TEX22: variants seen among roughly 807,000 people sequenced by gnomAD.
TEX22 encodes the protein testis expressed 22, also known as testis-expressed protein 22.
TEX22 carries 16 observed loss-of-function variants against 11.3 expected under a neutral mutation model. That is an observed-to-expected ratio of 1.42 (90% CI 0.96 to 2.15). The LOEUF is 2.15. Ranked by LOEUF, TEX22 falls within the 30% of genes most tolerant of loss-of-function variation. The pLI is 0.00. For synonymous variants in TEX22, 97 were observed against 92.3 expected (o/e 1.05, Z -0.29); for missense variants, 220 against 208.6 (o/e 1.05, Z -0.34).
At chr14:105,405,496 G>T (rs1413763693) in intron 2 of TEX22, among the ~76,000 whole-genome samples, 1 of 152,208 alleles carries the variant, frequency 6.6e-6, no homozygotes, top group African/African-American at 2.4e-5. Context: ...CAAATTCAGC[G>T]GTAGGGTTGT....
chr14:105,399,711 G>C (rs1555418160), intron 2 of TEX22, among the ~76,000 whole-genome samples: 1 of 142,174 alleles, frequency 7.0e-6, no homozygotes, highest in Non-Finnish European at 1.5e-5. Context: ...AGAACCGTGG[G>C]CCGCTGGGCT....
intron 2 of TEX22, among the ~76,000 whole-genome samples, chr14:105,406,038 A>G (rs1474826581): frequency 6.6e-6 from 1 of 152,216 alleles, no homozygotes; most frequent in African/African-American, 2.4e-5. Context: ...GTAGTGAGAA[A>G]CAGACCTTTC....
Position 105,404,596 on chromosome 14 carries a change from TTGAG to T in TEX22, c.150+5109_150+5112del, listed in dbSNP as rs1258514830. On this transcript the variant is annotated intron_variant, in intron 2 of 3. Transcript: ENST00000451127. ...CAGCGACAAAAACCTCAGAAGCAAT[TTGAG>T]TGGGAAGACAGAACCTTCAAAGCAG... Among the ~76,000 whole-genome samples, 8 of 152,056 alleles carry T rather than the reference TTGAG, an allele frequency of 5.3e-5. No homozygotes were observed. In the East Asian group the frequency reaches 5.8e-4, roughly 11 times the overall value.
rs1159153044 is a variant in TEX22, at chr14:105,411,527, T to TCCCCGCCCCGCCCCGC, written c.279+35_279+50dup. ...CGGGGGGCGGGTCCTCCCCGCCCCGTCCCCGCCCCGCCCCGCCCCTCCGCC... is the reference window on the plus strand; with the variant it reads ...CGGGGGGCGGGTCCTCCCCGCCCCGTCCCCGCCCCGCCCCGCCCCCGCCCCGCCCCGCCCCTCCGCC... On this transcript the variant is annotated intron_variant, in intron 3 of 3. Transcript: ENST00000451127. 9 of 569,436 alleles carry TCCCCGCCCCGCCCCGC rather than the reference T, an allele frequency of 1.6e-5. No individual in the cohort carries two copies. In the African/African-American group the frequency reaches 2.6e-4, roughly 17 times the overall value. The allele number at this position is 569,436 out of a possible 1,614,324, so 35.3% of individuals were successfully genotyped here.
At chr14:105,410,194 C>T (rs1555419193) in intron 2 of TEX22, among the ~76,000 whole-genome samples, 1 of 152,204 alleles carries the variant, frequency 6.6e-6, no homozygotes, top group African/African-American at 2.4e-5. Context: ...TCTCCTGCCT[C>T]AGCCTCTTGA....
At chr14:105,404,812 T>C (rs587646561) in intron 2 of TEX22, among the ~76,000 whole-genome samples, 7 of 152,182 alleles carry the variant, frequency 4.6e-5, no homozygotes, top group Non-Finnish European at 8.8e-5. Flanking sequence ...TCTCAAAGCA[T>C]CATGAAAGTG....
chr14:105,405,139 AAGTT>A (rs1445965705), intron 2 of TEX22, among the ~76,000 whole-genome samples: 22 of 152,124 alleles, frequency 1.4e-4, no homozygotes, highest in African/African-American at 3.1e-4. Context: ...AAATCACAAA[AAGTT>A]AGCCAGGCAT....
At chr14:105,401,895 C>T (rs1566983852) in intron 2 of TEX22, among the ~76,000 whole-genome samples, 1 of 152,128 alleles carries the variant, frequency 6.6e-6, no homozygotes, top group Non-Finnish European at 1.5e-5. Context: ...ACTATGACGT[C>T]AGAAAAATCG....
intron 2 of TEX22, 47 bp downstream of exon 2, chr14:105,399,537 C>G (rs2081612517): frequency 6.8e-7 from 1 of 1,476,960 alleles, no homozygotes; most frequent in Non-Finnish European, 9.0e-7. Flanking sequence ...TGTCCCCAGC[C>G]CGCCTGAGGC....
chr14:105,407,354 C>T (rs2081663658), intron 2 of TEX22, among the ~76,000 whole-genome samples: 1 of 151,924 alleles, frequency 6.6e-6, no homozygotes, highest in African/African-American at 2.4e-5. Flanking sequence ...AGGCATGAGC[C>T]ACCATGCCCG....
chr14:105,406,686 A>G, intron 2 of TEX22, among the ~76,000 whole-genome samples: 1 of 152,150 alleles, frequency 6.6e-6, no homozygotes, highest in East Asian at 1.9e-4. Context: ...CTAAAAAAAA[A>G]AAAAAGGAAC....
chr14:105,409,729 T>C (rs1241559716), intron 2 of TEX22, among the ~76,000 whole-genome samples: 12 of 110,018 alleles, frequency 1.1e-4, no homozygotes, highest in African/African-American at 2.4e-4. Flanking sequence ...CATTCATTCT[T>C]TCTTTCGTTC....
At chr14:105,403,150 T>C (rs1167600762) in intron 2 of TEX22, among the ~76,000 whole-genome samples, 1 of 152,212 alleles carries the variant, frequency 6.6e-6, no homozygotes, top group East Asian at 1.9e-4. Context: ...CGAGGTCTTA[T>C]CTATGTAAAG....
chr14:105,410,726 C>T (rs2081685133), intron 2 of TEX22, among the ~76,000 whole-genome samples: 1 of 152,188 alleles, frequency 6.6e-6, no homozygotes, highest in Non-Finnish European at 1.5e-5. Flanking sequence ...GAACCTCAGG[C>T]TGAGCAGAGT....
At chr14:105,399,279 C>T (rs1022684432) in intron 1 of TEX22, 23 bp from the exon 2 acceptor site, 11 of 1,308,002 alleles carry the variant, frequency 8.4e-6, no homozygotes, top group African/African-American at 3.0e-5. Context: ...CCCCGCCCCA[C>T]CTCCCCCTGC....
intron 2 of TEX22, among the ~76,000 whole-genome samples, chr14:105,405,373 A>G (rs1555418792): frequency 6.6e-6 from 1 of 152,214 alleles, no homozygotes; most frequent in Non-Finnish European, 1.5e-5. Context: ...AGAAGAACAG[A>G]AGGAGATACG....
chr14:105,406,281 G>C (rs782677906), intron 2 of TEX22, among the ~76,000 whole-genome samples: 1 of 152,180 alleles, frequency 6.6e-6, no homozygotes, highest in Non-Finnish European at 1.5e-5. Flanking sequence ...AAACATTTCT[G>C]TGCAATCAAA....
chr14:105,408,319 G>A (rs1595221949), intron 2 of TEX22, among the ~76,000 whole-genome samples: 1 of 150,662 alleles, frequency 6.6e-6, no homozygotes, highest in East Asian at 2.0e-4. Flanking sequence ...TTGGCTCACT[G>A]CAACCTCCGC....
At chr14:105,411,217 C>T (rs2081687976) in intron 2 of TEX22, 151 bp from the exon 3 acceptor site, 1 of 956,980 alleles carries the variant, frequency 1.0e-6, no homozygotes, top group Non-Finnish European at 1.3e-6. Context: ...GGCCCCGCGC[C>T]GGGAGCTGGC....
Sources: gnomAD v4.1 joint callset for allele counts (sites outside exome capture counted in the v4.1 genomes callset) on GRCh38, gnomAD v4.1.1 for gene constraint, MANE v1.5 for transcripts, NCBI Gene and HGNC (gene_info 2026-07-23, HGNC 2026-07-21) for gene names.